Variants in WDR41 observed in about 807,000 individuals in gnomAD.
WDR41 encodes the protein WD repeat-containing protein 41.
In WDR41, 63 loss-of-function variants were observed where a neutral mutation model predicts 69.3. The observed-to-expected ratio is 0.91, with a 90% CI of 0.74 to 1.12. The LOEUF is 1.12. WDR41 is among the 50% of genes most tolerant of loss of function. WDR41 has a pLI of 0.00. For missense variants in WDR41, 543 were observed against 534.5 expected, an observed-to-expected ratio of 1.02 and a Z score of -0.16; for synonymous variants, 185 against 192.1, an observed-to-expected ratio of 0.96 and a Z score of 0.31.
intron 1 of WDR41, among the ~76,000 whole-genome samples, chr5:77,588,531 C>G (rs919132947): frequency 6.6e-6 from 1 of 152,028 alleles, no homozygotes; most frequent in African/African-American, 2.4e-5. Context: ...AAAAAATGAC[C>G]CTTTCCCTTG....
intron 1 of WDR41, among the ~76,000 whole-genome samples, chr5:77,502,343 CA>C (rs1178315795): frequency 6.6e-6 from 1 of 151,486 alleles, no homozygotes; most frequent in Non-Finnish European, 1.5e-5. Context: ...AAGAAATGAC[CA>C]AAGCCTCCGA....
intron 1 of WDR41, among the ~76,000 whole-genome samples, chr5:77,578,478 A>G (rs752480426): frequency 6.6e-6 from 1 of 152,196 alleles, no homozygotes; most frequent in African/African-American, 2.4e-5. Context: ...TGGCCCATAC[A>G]TCTGATAGCA....
intron 1 of WDR41, among the ~76,000 whole-genome samples, chr5:77,569,027 G>C (rs1295505066): frequency 6.6e-6 from 1 of 152,106 alleles, no homozygotes; most frequent in Admixed American, 6.6e-5. Context: ...CCTTTCTCTG[G>C]TTCTTTCCCA....
At position 77,512,356 on chromosome 5, in the gene WDR41, G is replaced by GAGAGAGAGAGAA. The variant is rs1802219172; in HGVS notation, c.43-22785_43-22784insTTCTCTCTCTCT. On this transcript the variant is annotated intron_variant, in intron 1 of 5. Transcript: ENST00000509971. Reference sequence around the variant, plus strand: ...TGAGAGAGAGAGAGAGAGAGAGTGAGTGTGTGTGTGTGTGTGTGTGTGTGT... The same window carrying GAGAGAGAGAGAA: ...TGAGAGAGAGAGAGAGAGAGAGTGAGAGAGAGAGAGAATGTGTGTGTGTGTGTGTGTGTGTGT... Among the ~76,000 whole-genome samples, 3 of 39,334 alleles carry GAGAGAGAGAGAA rather than the reference G, an allele frequency of 7.6e-5. No homozygotes were observed. In the East Asian group the frequency reaches 4.2e-3, roughly 55 times the overall value. The allele number at this position is 39,334 out of a possible 152,430, so 25.8% of individuals were successfully genotyped here.
intron 12 of WDR41, among the ~76,000 whole-genome samples, chr5:77,433,896 C>T (rs1487204456): frequency 6.6e-6 from 1 of 152,140 alleles, no homozygotes; most frequent in Non-Finnish European, 1.5e-5. Flanking sequence ...GGGGCTTGCC[C>T]AGTGAAGGAA....
chr5:77,516,502 C>T (rs1802293238), intron 1 of WDR41, among the ~76,000 whole-genome samples: 1 of 152,068 alleles, frequency 6.6e-6, no homozygotes, highest in Admixed American at 6.5e-5. Flanking sequence ...AATAAGAGTG[C>T]CATAATAGAA....
intron 2 of WDR41, among the ~76,000 whole-genome samples, chr5:77,466,337 T>C (rs1036165001): frequency 2.0e-5 from 3 of 151,938 alleles, no homozygotes; most frequent in Non-Finnish European, 4.4e-5. Flanking sequence ...ATATCAAAAA[T>C]AGTTGCTGGA....
intron 1 of WDR41, among the ~76,000 whole-genome samples, chr5:77,613,119 A>C (rs1353148021): frequency 6.6e-6 from 1 of 151,918 alleles, no homozygotes; most frequent in Non-Finnish European, 1.5e-5. Context: ...GGAGAACTAC[A>C]AACCACTGCT....
rs1799135196 is a variant in WDR41 at position 77,440,941 on chromosome 5, C to T, written c.754G>A (p.Asp252Asn). 6.2e-7 allele frequency: 1 copy of T among 1,613,964 alleles called. No individual in the cohort carries two copies. The highest frequency in any genetic ancestry group is 8.5e-7 in the Non-Finnish European group (1 of 1,180,036). The change falls in exon 9 of 13, where the codon GAC (aspartate) becomes AAC (asparagine). Residue 252 changes from aspartate (D) to asparagine (N), a missense_variant. By Grantham distance (23) the Asp-to-Asn change is conservative (BLOSUM62 1). Coordinates refer to ENST00000296679, the MANE Select transcript of WDR41 (RefSeq NM_018268.4). ...VGELIIWDALDWTMQAYERNF... is the reference protein window; with the variant it reads ...VGELIIWDALNWTMQAYERNF... ...CGTTCATAGGCCTGCATGGTCCAGTCCAGGGCATCCCAGATGATCAGCTCT... is the reference window on the plus strand; with the variant it reads ...CGTTCATAGGCCTGCATGGTCCAGTTCAGGGCATCCCAGATGATCAGCTCT...
chr5:77,446,446 AAAG>A (rs1315632228), intron 8 of WDR41, among the ~76,000 whole-genome samples: 3 of 152,234 alleles, frequency 2.0e-5, no homozygotes, highest in African/African-American at 7.2e-5. Flanking sequence ...ATATAGAATC[AAAG>A]AAGACCCCGT....
Position 77,453,810 on chromosome 5 carries a change from T to C in WDR41, c.523+7A>G. 1 of 1,608,784 alleles carries C rather than the reference T, an allele frequency of 6.2e-7. No individual in the cohort carries two copies. Among genetic ancestry groups the C allele is most frequent in the Non-Finnish European group, 8.5e-7 (1 of 1,175,230 alleles). On this transcript the variant is annotated splice_region_variant and intron_variant, in intron 6 of 12. Coordinates refer to ENST00000296679, the MANE Select transcript of WDR41 (RefSeq NM_018268.4). ...TCATAGTTCAAAATTACCTTGATGT[T>C]TTTTACCTGTATCAGAAAGGTGGCT...
intron 5 of WDR41, among the ~76,000 whole-genome samples, chr5:77,457,323 A>G (rs533247186): frequency 1.3e-5 from 2 of 152,150 alleles, no homozygotes; most frequent in Admixed American, 1.3e-4. Flanking sequence ...TGAGGATAAT[A>G]TATGTTTTTG....
chr5:77,434,471 G>GCCCAA (rs1457549968), intron 12 of WDR41, among the ~76,000 whole-genome samples: 1 of 152,082 alleles, frequency 6.6e-6, no homozygotes, highest in Non-Finnish European at 1.5e-5. Flanking sequence ...TAGAGGGGTT[G>GCCCAA]CGCCAGTAGA....
chr5:77,575,890 A>C (rs1743821961), intron 1 of WDR41, among the ~76,000 whole-genome samples: 1 of 151,738 alleles, frequency 6.6e-6, no homozygotes, highest in Non-Finnish European at 1.5e-5. Context: ...AGCCTAAAAA[A>C]TGCACCGAGT....
chr5:77,451,420 T>G, intron 6 of WDR41, 67 bp from the exon 7 acceptor site: 1 of 1,460,702 alleles, frequency 6.8e-7, no homozygotes, highest in Non-Finnish European at 9.6e-7. Context: ...ACAAAAACAT[T>G]CTCAGTTTTA....
At chr5:77,471,419 C>T (rs549492431) in intron 2 of WDR41, among the ~76,000 whole-genome samples, 1 of 152,242 alleles carries the variant, frequency 6.6e-6, no homozygotes, top group Non-Finnish European at 1.5e-5. Context: ...CAAGAAATAA[C>T]TAAGATCAGA....
intron 1 of WDR41, among the ~76,000 whole-genome samples, chr5:77,550,190 A>G (rs1412778820): frequency 1.3e-5 from 2 of 152,168 alleles, no homozygotes. Context: ...TTGGGAAAGA[A>G]TTTGTGACTA....
chr5:77,583,641 C>G (rs1364913275), intron 1 of WDR41, among the ~76,000 whole-genome samples: 1 of 152,056 alleles, frequency 6.6e-6, no homozygotes, highest in Non-Finnish European at 1.5e-5. Context: ...AAACTACCAA[C>G]AGTGAAACTC....
chr5:77,603,017 A>C (rs1744353168), intron 1 of WDR41, among the ~76,000 whole-genome samples: 1 of 149,536 alleles, frequency 6.7e-6, no homozygotes, highest in South Asian at 2.1e-4. Context: ...CGACTCCTGC[A>C]AGCTCAGCTC....
Sources: allele counts gnomAD v4.1 joint callset (sites outside exome capture counted in the v4.1 genomes callset), GRCh38; gene constraint gnomAD v4.1.1; transcripts MANE v1.5; gene names NCBI Gene and HGNC (gene_info 2026-07-23, HGNC 2026-07-21).